The following KCND2 variants were observed in gnomAD, a reference collection of about 807,000 sequenced individuals.
KCND2 encodes the protein A-type voltage-gated potassium channel KCND2.
Under a neutral mutation model 54.4 loss-of-function variants are expected in KCND2, and 16 were observed. That is an observed-to-expected ratio of 0.29 (90% CI 0.20 to 0.45). The LOEUF (loss-of-function observed/expected upper bound fraction) is 0.45, where lower values mean the gene tolerates loss of function less well. Ranked by LOEUF, KCND2 falls within the 20% of genes least tolerant of loss-of-function variation. KCND2 has a pLI of 1.00. For missense variants in KCND2, 486 were observed against 824.2 expected, an observed-to-expected ratio of 0.59 and a Z score of 5.02; for synonymous variants, 317 against 310.7, an observed-to-expected ratio of 1.02 and a Z score of -0.21.
At chr7:120,300,475 A>G (rs1261584697) in intron 1 of KCND2, among the ~76,000 whole-genome samples, 1 of 152,166 alleles carries the variant, frequency 6.6e-6, no homozygotes, top group East Asian at 1.9e-4. Flanking sequence ...TTTTAAGAAT[A>G]CTGGTGTATA....
At position 120,588,261 on chromosome 7, in the gene KCND2, A is replaced by G. The variant is rs56698675; in HGVS notation, c.1116-144642A>G. ...GTGTGTGTGAGGTTTAAAAGTTCCTATCTCATTTTAACTGATATTTTGTAA... is the reference window on the plus strand; with the variant it reads ...GTGTGTGTGAGGTTTAAAAGTTCCTGTCTCATTTTAACTGATATTTTGTAA... On this transcript the variant is annotated intron_variant, in intron 1 of 5. Transcript: ENST00000331113. Among the ~76,000 whole-genome samples the G allele has an allele frequency of 8.7e-3, 1,319 of 152,236 alleles. 20 individuals carry two copies. The highest frequency in any genetic ancestry group is 0.03 in the African/African-American group (1,234 of 41,528).
intron 1 of KCND2, among the ~76,000 whole-genome samples, chr7:120,309,471 A>AT (rs1397498506): frequency 1.6e-5 from 2 of 123,986 alleles, no homozygotes; most frequent in East Asian, 5.0e-4. Context: ...ATATATATAT[A>AT]TATACACACA....
chr7:120,720,132 C>A (rs1335549555), intron 1 of KCND2, among the ~76,000 whole-genome samples: 1 of 152,100 alleles, frequency 6.6e-6, no homozygotes, highest in Non-Finnish European at 1.5e-5. Flanking sequence ...AACTAAAAAG[C>A]TTCGAGTGTA....
At position 120,309,452 on chromosome 7, in the gene KCND2, C is replaced by CATAT. The variant is rs61690032; in HGVS notation, c.1115+33725_1115+33728dup. Among the ~76,000 whole-genome samples, 542 of 68,254 alleles carry CATAT rather than the reference C, an allele frequency of 7.9e-3. 9 individuals carry two copies. The highest frequency in any genetic ancestry group is 0.013 in the South Asian group (12 of 922). 44.8% of individuals were successfully genotyped at this position (68,254 alleles called of 152,430 possible). A position where few individuals can be genotyped will look rare whatever the true frequency, so the allele number is the denominator to read the frequency against. On this transcript the variant is annotated intron_variant, in intron 1 of 5. Transcript: ENST00000331113. ...TAAATAGTTTAAATATAATAGAAAA[C>CATAT]ATATATATATATATATATATATACA...
intron 1 of KCND2, among the ~76,000 whole-genome samples, chr7:120,494,953 G>T (rs1371691939): frequency 6.6e-6 from 1 of 152,144 alleles, no homozygotes; most frequent in African/African-American, 2.4e-5. Flanking sequence ...ACTTCCCACT[G>T]CTAGTTGATC....
intron 1 of KCND2, among the ~76,000 whole-genome samples, chr7:120,632,325 C>T (rs567420363): frequency 6.6e-6 from 1 of 152,278 alleles, no homozygotes; most frequent in Non-Finnish European, 1.5e-5. Flanking sequence ...ATACTTCTGT[C>T]TTGCACTTGT....
chr7:120,724,979 A>C (rs61583385), intron 1 of KCND2, among the ~76,000 whole-genome samples: 12,372 of 152,246 alleles, frequency 0.081, 576 homozygotes, highest in African/African-American at 0.094. Context: ...GGTAAAAAAC[A>C]CTTCATTAGA....
intron 1 of KCND2, among the ~76,000 whole-genome samples, chr7:120,399,188 T>A (rs930108846): frequency 2.6e-5 from 4 of 151,926 alleles, no homozygotes; most frequent in South Asian, 4.1e-4. Context: ...ATAATATTTT[T>A]AAATATTTTA....
rs147112894 is a variant in KCND2 at position 120,576,038 on chromosome 7, T to C, written c.1116-156865T>C. Reference sequence around the variant, plus strand: ...TTCTCTCACAACTCTATGCCATTGCTGGTTTTGAGTGTTATGCATATTGTG... The same window carrying C: ...TTCTCTCACAACTCTATGCCATTGCCGGTTTTGAGTGTTATGCATATTGTG... On this transcript the variant is annotated intron_variant, in intron 1 of 5. Transcript: ENST00000331113. 3.5e-3 allele frequency among the ~76,000 whole-genome samples: 501 copies of C among 143,832 alleles called. 4 individuals carry two copies. Among genetic ancestry groups the C allele is most frequent in the African/African-American group, 0.012 (486 of 39,050 alleles). The allele number at this position is 143,832 out of a possible 152,430, so 94.4% of individuals were successfully genotyped here.
At chr7:120,678,979 C>T (rs953986097) in intron 1 of KCND2, among the ~76,000 whole-genome samples, 6 of 151,322 alleles carry the variant, frequency 4.0e-5, no homozygotes, top group Admixed American at 2.0e-4. Flanking sequence ...TTAAACTCTT[C>T]GAAGATACTA....
At chr7:120,629,229 T>A (rs1375946947) in intron 1 of KCND2, among the ~76,000 whole-genome samples, 1 of 152,232 alleles carries the variant, frequency 6.6e-6, no homozygotes, top group Non-Finnish European at 1.5e-5. Context: ...GGCTCACGCC[T>A]GTAATCCCAC....
At chr7:120,480,311 A>G (rs1802589625) in intron 1 of KCND2, among the ~76,000 whole-genome samples, 1 of 152,118 alleles carries the variant, frequency 6.6e-6, no homozygotes, top group African/African-American at 2.4e-5. Flanking sequence ...CCATTATTAC[A>G]TGGGGGCAAT....
At chr7:120,544,522 T>TGCAATCAC (rs1381262969) in intron 1 of KCND2, among the ~76,000 whole-genome samples, 3 of 151,968 alleles carry the variant, frequency 2.0e-5, no homozygotes, top group Non-Finnish European at 4.4e-5. Context: ...ATAATCACTA[T>TGCAATCAC]GCAATCACAG....
intron 1 of KCND2, among the ~76,000 whole-genome samples, chr7:120,728,968 C>T (rs1459858539): frequency 6.6e-6 from 1 of 152,148 alleles, no homozygotes; most frequent in African/African-American, 2.4e-5. Context: ...AACACTTAAA[C>T]TTTCAATGAT....
intron 1 of KCND2, among the ~76,000 whole-genome samples, chr7:120,344,815 A>G (rs10231689): frequency 0.064 from 9,671 of 152,246 alleles, 1,023 homozygotes; most frequent in African/African-American, 0.22. Flanking sequence ...CATGACTTCA[A>G]CATCATCCCA....
At chr7:120,338,153 G>T (rs1190940261) in intron 1 of KCND2, among the ~76,000 whole-genome samples, 1 of 152,098 alleles carries the variant, frequency 6.6e-6, no homozygotes, top group African/African-American at 2.4e-5. Flanking sequence ...ATTGTCTCAT[G>T]TCATTTTATC....
At chr7:120,347,987 G>A (rs955254794) in intron 1 of KCND2, among the ~76,000 whole-genome samples, 3 of 152,144 alleles carry the variant, frequency 2.0e-5, no homozygotes, top group Admixed American at 1.3e-4. Flanking sequence ...GGAACTCTCT[G>A]GGATCTCTTT....
intron 1 of KCND2, among the ~76,000 whole-genome samples, chr7:120,288,351 C>G (rs1463589172): frequency 1.3e-5 from 2 of 151,968 alleles, no homozygotes. Flanking sequence ...TTTATATAAA[C>G]AGAAGTTGAT....
At chr7:120,383,283 G>A (rs1800938579) in intron 1 of KCND2, among the ~76,000 whole-genome samples, 1 of 151,570 alleles carries the variant, frequency 6.6e-6, no homozygotes, top group South Asian at 2.1e-4. Context: ...TCAGCCAATG[G>A]CATCTAGGCT....
Sources: allele counts gnomAD v4.1 joint callset (sites outside exome capture counted in the v4.1 genomes callset), GRCh38; gene constraint gnomAD v4.1.1; transcripts MANE v1.5; gene names NCBI Gene and HGNC (gene_info 2026-07-23, HGNC 2026-07-21).